The following ARPC2 variants were observed in gnomAD, a reference collection of about 807,000 sequenced individuals.
ARPC2 encodes actin-related protein 2/3 complex subunit 2.
A neutral mutation model predicts 38.6 loss-of-function variants in ARPC2; 4 were observed. The ratio of observed to expected loss-of-function variants is 0.10; its 90% confidence interval spans 0.05 to 0.24. ARPC2 has a LOEUF of 0.24. Among genes scored for constraint, ARPC2 ranks in the 10% least tolerant of loss-of-function variants. ARPC2 has a pLI of 1.00. For synonymous variants in ARPC2, 125 were observed against 140.8 expected (o/e 0.89, Z 0.79); for missense variants, 229 against 387.3 (o/e 0.59, Z 3.43).
chr2:218,245,303 C>G, intron 7 of ARPC2, 117 bp from the exon 8 acceptor site: 1 of 1,310,214 alleles, frequency 7.6e-7, no homozygotes, highest in Non-Finnish European at 1.1e-6. Context: ...TATTTTTAAC[C>G]TCCTGCTGGT....
At chr2:218,253,473 A>G (rs1299464293) in intron 10 of ARPC2, among the ~76,000 whole-genome samples, 1 of 152,240 alleles carries the variant, frequency 6.6e-6, no homozygotes, top group Non-Finnish European at 1.5e-5. Flanking sequence ...GGTGAGAGAT[A>G]AAGGAACTGC....
At chr2:218,224,994 T>C (rs1689464330) in intron 2 of ARPC2, among the ~76,000 whole-genome samples, 1 of 152,184 alleles carries the variant, frequency 6.6e-6, no homozygotes, top group Admixed American at 6.5e-5. Context: ...AACATGCGCA[T>C]CTTGTTTGCT....
chr2:218,219,359 CT>C (rs397944295), intron 2 of ARPC2, among the ~76,000 whole-genome samples: 76 of 147,708 alleles, frequency 5.1e-4, no homozygotes, highest in South Asian at 6.4e-4. Flanking sequence ...ACTTCCAGGA[CT>C]TTTTTTTTTT....
At chr2:218,236,008 T>G (rs991180596) in intron 5 of ARPC2, 3 of 151,918 alleles carry the variant, frequency 2.0e-5, no homozygotes, top group Admixed American at 2.0e-4. Context: ...GAGAATCGCT[T>G]GAACCCAGGA....
chr2:218,221,337 G>C (rs2106142583), intron 2 of ARPC2, among the ~76,000 whole-genome samples: 1 of 152,338 alleles, frequency 6.6e-6, no homozygotes, highest in Admixed American at 6.5e-5. Flanking sequence ...CTGATACTCT[G>C]TTCTCATTCC....
chr2:218,246,578 T>A (rs928956042), intron 8 of ARPC2, among the ~76,000 whole-genome samples: 1 of 151,822 alleles, frequency 6.6e-6, no homozygotes, highest in Admixed American at 6.6e-5. Flanking sequence ...CAGTGGCTCA[T>A]ACCTGTAATC....
At chr2:218,239,546 A>G (rs1689858896) in intron 7 of ARPC2, 62 bp downstream of exon 7, 3 of 1,338,430 alleles carry the variant, frequency 2.2e-6, no homozygotes, top group East Asian at 2.3e-5. Context: ...GCACCCAAAC[A>G]TACCATGAGC....
In ARPC2 at chr2:218,249,345, TTG is replaced by T. The variant is rs1359201939; in HGVS notation, c.677-15_677-14del. On this transcript the variant is annotated splice_polypyrimidine_tract_variant and intron_variant, in intron 8 of 10. Coordinates refer to ENST00000315717, the MANE Select transcript of ARPC2 (RefSeq NM_152862.3). Reference sequence around the variant, plus strand: ...TTTGTGTCGTGTCCTGACGCCTTGTTTGTGTCTTCCGCCTTCAGTGCTGTTCC... The same window carrying T: ...TTTGTGTCGTGTCCTGACGCCTTGTTTGTCTTCCGCCTTCAGTGCTGTTCC... 1.9e-6 allele frequency: 3 copies of T among 1,586,462 alleles called. No homozygotes were observed. The Admixed American group carries it at 5.1e-5, about 27-fold the overall frequency.
At chr2:218,225,836 G>A (rs933335721) in intron 2 of ARPC2, 84 bp from the exon 3 acceptor site, 3 of 1,293,324 alleles carry the variant, frequency 2.3e-6, no homozygotes, top group Middle Eastern at 1.8e-4. Context: ...GATCTTAAGT[G>A]AAGCTCAGGT....
chr2:218,235,134 CT>C (rs1235035894), intron 5 of ARPC2: 4 of 299,430 alleles, frequency 1.3e-5, no homozygotes, highest in Middle Eastern at 9.8e-4. Context: ...AGGAAGTTCT[CT>C]GTCACTCTTA....
chr2:218,231,619 G>A (rs1251627339), intron 4 of ARPC2, among the ~76,000 whole-genome samples: 1 of 152,046 alleles, frequency 6.6e-6, no homozygotes, highest in African/African-American at 2.4e-5. Context: ...AGAAACTCTC[G>A]TGACCTTGAG....
chr2:218,243,634 G>A (rs1000014083), intron 7 of ARPC2, among the ~76,000 whole-genome samples: 3 of 152,166 alleles, frequency 2.0e-5, no homozygotes, highest in African/African-American at 7.2e-5. Flanking sequence ...AAATTAGCCG[G>A]GAATGATGGC....
chr2:218,223,164 T>C (rs185079664), intron 2 of ARPC2, among the ~76,000 whole-genome samples: 8 of 152,372 alleles, frequency 5.3e-5, no homozygotes, highest in Admixed American at 5.2e-4. Context: ...CTGAAAATAT[T>C]AAATGGAAAA....
Position 218,238,675 on chromosome 2 carries a change from T to A in ARPC2, c.280T>A (p.Ser94Thr). The A allele has an allele frequency of 6.2e-7, 1 of 1,610,604 alleles. No individual in the cohort carries two copies. Among genetic ancestry groups the A allele is most frequent in the Non-Finnish European group, 8.5e-7 (1 of 1,177,956 alleles). ...TTCTTTCCCTCCAGGATACAATGTC[T>A]CTTTGCTATATGACCTTGAAAATCT... Reference protein sequence around the residue: ...LVNPESGYNVSLLYDLENLPA... With the variant: ...LVNPESGYNVTLLYDLENLPA... Residue 94 changes from serine to threonine, a missense_variant, in exon 6 of 11, where the codon TCT (serine) becomes ACT (threonine). This residue lies in a region of ARPC2 where 135 missense variants were observed against 214.1 expected (regional missense o/e 0.63). Transcript: ENST00000315717.
At chr2:218,227,571 TCTC>T (rs1340910290) in intron 3 of ARPC2, among the ~76,000 whole-genome samples, 2 of 150,498 alleles carry the variant, frequency 1.3e-5, no homozygotes, top group East Asian at 2.0e-4. Context: ...GGACTACAGA[TCTC>T]CACCACCACA....
At chr2:218,222,237 A>C (rs1689398865) in intron 2 of ARPC2, among the ~76,000 whole-genome samples, 1 of 152,144 alleles carries the variant, frequency 6.6e-6, no homozygotes, top group East Asian at 1.9e-4. Flanking sequence ...ACTGCACTCC[A>C]GCCTGGGTGA....
chr2:218,225,541 AAC>A (rs1462760905), intron 2 of ARPC2, among the ~76,000 whole-genome samples: 1 of 152,204 alleles, frequency 6.6e-6, no homozygotes. Context: ...TTTCCTGCTG[AAC>A]GTTTTACTCC....
chr2:218,253,746 GT>G, intron 10 of ARPC2, 144 bp from the exon 11 acceptor site: 2 of 994,552 alleles, frequency 2.0e-6, no homozygotes, highest in Non-Finnish European at 2.9e-6. Flanking sequence ...CCGATGTCCT[GT>G]GGTTCCAGTG....
chr2:218,246,690 G>A (rs1690040679), intron 8 of ARPC2, among the ~76,000 whole-genome samples: 1 of 151,974 alleles, frequency 6.6e-6, no homozygotes, highest in African/African-American at 2.4e-5. Context: ...AAAGCAAGGG[G>A]CCAGGCACAG....
Sources: allele counts gnomAD v4.1 joint callset (sites outside exome capture counted in the v4.1 genomes callset), GRCh38; gene constraint gnomAD v4.1.1; regional missense constraint gnomAD v4.1.1; transcripts MANE v1.5; gene names NCBI Gene and HGNC (gene_info 2026-07-23, HGNC 2026-07-21).